Variants in INO80D observed in about 807,000 individuals in gnomAD.
INO80D encodes the protein INO80 complex subunit D.
In INO80D, 21 loss-of-function variants were observed where a neutral mutation model predicts 87.6. The observed-to-expected ratio is 0.24, with a 90% CI of 0.17 to 0.35. The LOEUF (loss-of-function observed/expected upper bound fraction) is 0.35. Among genes scored for constraint, INO80D ranks in the 10% least tolerant of loss-of-function variants. The pLI is 1.00. For missense variants in INO80D, 982 were observed against 1,280.7 expected (o/e 0.77, Z 3.56); for synonymous variants, 440 against 491.0 (o/e 0.90, Z 1.37).
In INO80D at chr2:206,031,918, G is replaced by A. The variant is rs896937684; in HGVS notation, c.1074-3583C>T. On this transcript the variant is annotated intron_variant, in intron 5 of 10. Coordinates refer to ENST00000403263, the MANE Select transcript of INO80D (RefSeq NM_017759.5). Reference sequence around the variant, plus strand: ...TTCTCCGTTTCGAACACACACCGCTGCTGGGGAAACTGAAGGTCTAGTTTG... The same window carrying A: ...TTCTCCGTTTCGAACACACACCGCTACTGGGGAAACTGAAGGTCTAGTTTG... Among the ~76,000 whole-genome samples, 8 of 152,294 alleles carry A rather than the reference G, an allele frequency of 5.3e-5. No individual in the cohort carries two copies. In the South Asian group the frequency reaches 1.7e-3, roughly 32 times the overall value.
chr2:206,022,999 G>A (rs1462212863), intron 6 of INO80D, among the ~76,000 whole-genome samples: 1 of 152,098 alleles, frequency 6.6e-6, no homozygotes, highest in Admixed American at 6.5e-5. Flanking sequence ...AGGAGTTCGA[G>A]ACCAGCTTGG....
At position 206,003,410 on chromosome 2, in the gene INO80D, G is replaced by C. The variant is rs1252919497; in HGVS notation, c.*958C>G. Reference sequence around the variant, plus strand: ...ATTACATCTTGCAAATGTATTCCATGAGAGAGGGATTTAGAAACAAACAAA... The same window carrying C: ...ATTACATCTTGCAAATGTATTCCATCAGAGAGGGATTTAGAAACAAACAAA... On this transcript the variant is annotated 3_prime_UTR_variant, in exon 11 of 11. Transcript: ENST00000403263. 6.6e-6 allele frequency: 1 copy of C among 152,184 alleles called. No individual in the cohort carries two copies. Among genetic ancestry groups the C allele is most frequent in the African/African-American group, 2.4e-5 (1 of 41,452 alleles). The allele number at this position is 152,184 out of a possible 1,614,324, so 9.4% of individuals were successfully genotyped here. A position where few individuals can be genotyped will look rare whatever the true frequency, so the allele number is the denominator to read the frequency against.
At chr2:206,044,984 A>C (rs1348713593) in intron 5 of INO80D, among the ~76,000 whole-genome samples, 1 of 152,196 alleles carries the variant, frequency 6.6e-6, no homozygotes, top group African/African-American at 2.4e-5. Context: ...CTTGAATGAC[A>C]TATAAAATGG....
intron 8 of INO80D, among the ~76,000 whole-genome samples, chr2:206,015,244 A>G (rs1688286335): frequency 1.3e-5 from 2 of 152,224 alleles, no homozygotes; most frequent in South Asian, 2.1e-4. Context: ...TTGCATAATT[A>G]ACAAGGAGCT....
chr2:206,010,062 TACAC>T (rs144790541), intron 8 of INO80D, among the ~76,000 whole-genome samples: 25 of 149,056 alleles, frequency 1.7e-4, no homozygotes, highest in African/African-American at 3.4e-4. Context: ...TGACACTGTC[TACAC>T]ACACACACAC....
chr2:206,056,550 C>T lies in INO80D; in HGVS notation c.612G>A (p.Gln204=). 1 of 1,613,056 alleles carries T rather than the reference C, an allele frequency of 6.2e-7. No homozygotes were observed. The highest frequency in any genetic ancestry group is 1.7e-5 in the Admixed American group (1 of 59,808). ...FSPPPAPSQQ[Q]PPQQHSHLSP... ...ACAGGTGGGAGTGCTGCTGCGGAGG[C>T]TGCTGCTGTGAAGGTGCAGGAGGGG... The change falls in exon 4 of 11, where the codon CAG becomes CAA. Residue 204 remains glutamine, a synonymous_variant. Transcript: ENST00000403263.
chr2:206,058,692 C>T (rs944122904), intron 3 of INO80D, among the ~76,000 whole-genome samples: 2 of 152,028 alleles, frequency 1.3e-5, no homozygotes, highest in African/African-American at 4.8e-5. Context: ...TGAGACTGCA[C>T]CACTGCATTC....
chr2:206,011,616 C>T (rs1015635317), intron 8 of INO80D, among the ~76,000 whole-genome samples: 8 of 152,214 alleles, frequency 5.3e-5, no homozygotes, highest in Non-Finnish European at 1.2e-4. Flanking sequence ...AAGGTGGAAT[C>T]CCATGTTCTG....
chr2:206,033,822 C>T (rs1688828328), intron 5 of INO80D, among the ~76,000 whole-genome samples: 1 of 151,900 alleles, frequency 6.6e-6, no homozygotes, highest in Admixed American at 6.6e-5. Flanking sequence ...TTTGAAAAGA[C>T]ACATACAATT....
chr2:206,041,969 T>C (rs1289666816), intron 5 of INO80D, among the ~76,000 whole-genome samples: 1 of 151,116 alleles, frequency 6.6e-6, no homozygotes, highest in Non-Finnish European at 1.5e-5. Flanking sequence ...TACAAGAAAA[T>C]AAAAAAATTA....
intron 1 of INO80D, among the ~76,000 whole-genome samples, chr2:206,075,176 A>G (rs1342396122): frequency 1.3e-5 from 2 of 152,234 alleles, no homozygotes; most frequent in African/African-American, 4.8e-5. Context: ...TAAGGAAGAT[A>G]CACTTTTAAC....
At chr2:206,040,484 T>C in intron 5 of INO80D, 1 of 213,530 alleles carries the variant, frequency 4.7e-6, no homozygotes, top group East Asian at 1.1e-4. Flanking sequence ...GCCAGCAGTA[T>C]TCTGGCTGAA....
chr2:206,015,160 A>G (rs1384523791), intron 8 of INO80D, among the ~76,000 whole-genome samples: 1 of 152,166 alleles, frequency 6.6e-6, no homozygotes, highest in Non-Finnish European at 1.5e-5. Context: ...AAGTTTGGAA[A>G]ATTTGCAGCC....
intron 4 of INO80D, among the ~76,000 whole-genome samples, chr2:206,048,204 T>C (rs1294624263): frequency 6.6e-6 from 1 of 151,992 alleles, no homozygotes; most frequent in Non-Finnish European, 1.5e-5. Flanking sequence ...CTCCATTATC[T>C]AAAACAAGGT....
At chr2:206,068,838 T>C (rs1334049273) in intron 1 of INO80D, among the ~76,000 whole-genome samples, 1 of 152,098 alleles carries the variant, frequency 6.6e-6, no homozygotes, top group East Asian at 1.9e-4. Context: ...TAGCTGCGAC[T>C]AAAGGCACAT....
intron 6 of INO80D, among the ~76,000 whole-genome samples, chr2:206,022,403 G>A (rs1176775579): frequency 6.6e-6 from 1 of 151,922 alleles, no homozygotes; most frequent in Non-Finnish European, 1.5e-5. Flanking sequence ...ATGTGAAAAT[G>A]CTTGATGTAA....
chr2:205,999,353 T>C lies in INO80D; in HGVS notation c.*5015A>G, dbSNP rs1045282664. ...GAAGATGGAAAGCTGTGCTGCCCTA[T>C]GGAGCTCACTGAGAGTTAGATTTTT... On this transcript the variant is annotated 3_prime_UTR_variant, in exon 11 of 11. Coordinates refer to ENST00000403263, the MANE Select transcript of INO80D (RefSeq NM_017759.5). The C allele has an allele frequency of 5.9e-5, 9 of 152,260 alleles. No individual in the cohort carries two copies. The highest frequency in any genetic ancestry group is 1.4e-4 in the African/African-American group (6 of 41,464). The allele number at this position is 152,260 out of a possible 1,614,324, so 9.4% of individuals were successfully genotyped here.
chr2:206,001,585 A>G lies in INO80D; in HGVS notation c.*2783T>C, dbSNP rs1279872674. 1 of 152,212 alleles carries G rather than the reference A, an allele frequency of 6.6e-6. No individual in the cohort carries two copies. The highest frequency in any genetic ancestry group is 6.5e-5 in the Admixed American group (1 of 15,278). 9.4% of individuals were successfully genotyped at this position (152,212 alleles called of 1,614,324 possible). On this transcript the variant is annotated 3_prime_UTR_variant, in exon 11 of 11. Transcript: ENST00000403263. Reference sequence around the variant, plus strand: ...AGTAAAAGCCACTTCATTCCTTTCTATACATATTAATAGCAAAGTTCCTAC... The same window carrying G: ...AGTAAAAGCCACTTCATTCCTTTCTGTACATATTAATAGCAAAGTTCCTAC...
chr2:206,085,045 A>G lies in INO80D; in HGVS notation c.-124+856T>C, dbSNP rs934436899. On this transcript the variant is annotated intron_variant, in intron 1 of 10. Transcript: ENST00000403263. The surrounding 1 kb of genome is among the most constrained non-coding windows in gnomAD (Gnocchi z 4.5). ...CGGGCGAGGGGTGCAGGGGCGGAGTACCTTCTTCAATGGACAGGAACTGGC... is the reference window on the plus strand; with the variant it reads ...CGGGCGAGGGGTGCAGGGGCGGAGTGCCTTCTTCAATGGACAGGAACTGGC... Among the ~76,000 whole-genome samples, 6 of 151,694 alleles carry G rather than the reference A, an allele frequency of 4.0e-5. No homozygotes were observed. The highest frequency in any genetic ancestry group is 1.5e-4 in the African/African-American group (6 of 41,308).
Sources: gnomAD v4.1 joint callset for allele counts (sites outside exome capture counted in the v4.1 genomes callset) on GRCh38, gnomAD v4.1.1 for gene constraint, Gnocchi (gnomAD v3.1) non-coding constraint, MANE v1.5 for transcripts, NCBI Gene and HGNC (gene_info 2026-07-23, HGNC 2026-07-21) for gene names.